DLGAP2: variants seen among roughly 807,000 people sequenced by gnomAD.
DLGAP2 encodes disks large-associated protein 2.
Under a neutral mutation model 100.3 loss-of-function variants are expected in DLGAP2, and 26 were observed. The observed-to-expected ratio is 0.26, with a 90% CI of 0.19 to 0.36. DLGAP2 has a LOEUF of 0.36. Among genes scored for constraint, DLGAP2 ranks in the 10% least tolerant of loss-of-function variants. The probability of loss-of-function intolerance (pLI) is 1.00; values close to 1 mark genes in which losing one functional copy is unlikely to be tolerated. For missense variants in DLGAP2, 1,858 were observed against 1,453.2 expected, an observed-to-expected ratio of 1.28 and a Z score of -4.53; for synonymous variants, 886 against 630.1, an observed-to-expected ratio of 1.41 and a Z score of -6.08.
intron 2 of DLGAP2, among the ~76,000 whole-genome samples, chr8:1,140,976 C>T (rs992320328): frequency 6.6e-6 from 1 of 152,182 alleles, no homozygotes; most frequent in East Asian, 1.9e-4. Flanking sequence ...GGGCAAGACT[C>T]TGTCTCAAAA....
chr8:911,785 A>G (rs1380269107), intron 2 of DLGAP2, among the ~76,000 whole-genome samples: 1 of 151,468 alleles, frequency 6.6e-6, no homozygotes, highest in Non-Finnish European at 1.5e-5. Flanking sequence ...TTGGAAGGAT[A>G]TGTGTATAAT....
At chr8:1,104,816 T>C (rs940444905) in intron 2 of DLGAP2, 6 of 152,196 alleles carry the variant, frequency 3.9e-5, no homozygotes, top group African/African-American at 1.4e-4. Flanking sequence ...GTTGGGTTAA[T>C]TACCCTTAAT....
chr8:1,012,127 G>A, intron 2 of DLGAP2, among the ~76,000 whole-genome samples: 1 of 152,190 alleles, frequency 6.6e-6, no homozygotes, highest in East Asian at 1.9e-4. Context: ...ACTCAGCCAG[G>A]TGCAGCGGTA....
chr8:1,234,713 A>T (rs1176705653), intron 2 of DLGAP2, among the ~76,000 whole-genome samples: 1 of 152,174 alleles, frequency 6.6e-6, no homozygotes, highest in Non-Finnish European at 1.5e-5. Context: ...ACTGACAGTG[A>T]TTCTGTTGCA....
intron 2 of DLGAP2, among the ~76,000 whole-genome samples, chr8:1,110,309 G>C (rs1804911368): frequency 1.4e-5 from 2 of 145,768 alleles, no homozygotes; most frequent in South Asian, 2.3e-4. Context: ...TGTGACATGT[G>C]CTGGGTCTGT....
At chr8:1,626,619 G>T in intron 6 of DLGAP2, 121 bp from the exon 7 acceptor site, 5 of 1,312,598 alleles carry the variant, frequency 3.8e-6, no homozygotes, top group Non-Finnish European at 5.2e-6. Context: ...TTGGACGGTC[G>T]TTCCCACCTC....
rs1023751310 is a variant in DLGAP2 at position 1,411,143 on chromosome 8, C to G, written c.107-90223C>G. Reference sequence around the variant, plus strand: ...CTCTTGTTCTGGAAACCCAACATCTCCTAATTAAAATCGTCGTATGTTAAT... The same window carrying G: ...CTCTTGTTCTGGAAACCCAACATCTGCTAATTAAAATCGTCGTATGTTAAT... On this transcript the variant is annotated intron_variant, in intron 3 of 14. Transcript: ENST00000637795. Among the ~76,000 whole-genome samples the G allele has an allele frequency of 2.0e-5, 3 of 152,100 alleles. No homozygotes were observed. In the South Asian group the frequency reaches 6.2e-4, roughly 32 times the overall value.
intron 13 of DLGAP2, among the ~76,000 whole-genome samples, chr8:1,696,136 G>A (rs567324405): frequency 1.3e-5 from 2 of 152,204 alleles, no homozygotes; most frequent in Non-Finnish European, 2.9e-5. Flanking sequence ...TGACCCACCA[G>A]AACCTCCTCT....
chr8:871,490 G>A (rs1797597538), intron 1 of DLGAP2, among the ~76,000 whole-genome samples: 1 of 152,176 alleles, frequency 6.6e-6, no homozygotes, highest in South Asian at 2.1e-4. Context: ...CAGTTTTCAA[G>A]TTTCTAAAGA....
At chr8:1,180,472 G>A (rs1349178831) in intron 2 of DLGAP2, among the ~76,000 whole-genome samples, 1 of 152,226 alleles carries the variant, frequency 6.6e-6, no homozygotes, top group African/African-American at 2.4e-5. Context: ...GGGATCTCAG[G>A]CAGGAGCCAC....
intron 3 of DLGAP2, among the ~76,000 whole-genome samples, chr8:1,274,067 C>T (rs567148883): frequency 5.9e-5 from 9 of 152,084 alleles, no homozygotes; most frequent in East Asian, 1.9e-4. Context: ...ATTCTAACAG[C>T]GTGACGGCTC....
chr8:1,159,087 G>A (rs1056029368), intron 2 of DLGAP2, among the ~76,000 whole-genome samples: 1 of 152,208 alleles, frequency 6.6e-6, no homozygotes, highest in South Asian at 2.1e-4. Context: ...TTACCCTTGA[G>A]GAGGGAAGAA....
At chr8:1,273,714 G>C (rs78975648) in intron 3 of DLGAP2, among the ~76,000 whole-genome samples, 3,111 of 152,308 alleles carry the variant, frequency 0.02, 38 homozygotes, top group Non-Finnish European at 0.029. Context: ...TGGTACCTCT[G>C]CTCAAAGGTG....
chr8:759,596 C>A (rs568810926), intron 1 of DLGAP2, among the ~76,000 whole-genome samples: 11 of 151,940 alleles, frequency 7.2e-5, no homozygotes, highest in East Asian at 3.9e-4. Flanking sequence ...GGGGCTCCCC[C>A]CTGGGCTGCA....
chr8:1,167,050 C>T (rs115851325), intron 2 of DLGAP2, among the ~76,000 whole-genome samples: 5,968 of 152,040 alleles, frequency 0.039, 174 homozygotes, highest in East Asian at 0.15. Flanking sequence ...GTGGGAGGAT[C>T]GCTTGAGCCC....
Position 1,701,681 on chromosome 8 carries a change from C to G in DLGAP2, c.*275C>G. ...GGACAGGTGTGGCGAGACCTGATTTCTCCTGCGTGTTCTCAGAGGACGGCG... is the reference window on the plus strand; with the variant it reads ...GGACAGGTGTGGCGAGACCTGATTTGTCCTGCGTGTTCTCAGAGGACGGCG... On this transcript the variant is annotated 3_prime_UTR_variant, in exon 15 of 15. Coordinates refer to ENST00000637795, the MANE Select transcript of DLGAP2 (RefSeq NM_001346810.2). 4.3e-6 allele frequency: 2 copies of G among 465,318 alleles called. No homozygotes were observed. The highest frequency in any genetic ancestry group is 3.5e-5 in the East Asian group (1 of 28,964). The allele number at this position is 465,318 out of a possible 1,614,324, so 28.8% of individuals were successfully genotyped here.
intron 2 of DLGAP2, among the ~76,000 whole-genome samples, chr8:1,116,030 C>T (rs772518614): frequency 1.3e-5 from 2 of 152,214 alleles, no homozygotes; most frequent in South Asian, 2.1e-4. Flanking sequence ...CTCCGTCAGA[C>T]GTGGCCAGTG....
intron 3 of DLGAP2, among the ~76,000 whole-genome samples, chr8:1,438,550 C>A (rs1309938899): frequency 1.3e-5 from 2 of 152,000 alleles, no homozygotes; most frequent in Non-Finnish European, 2.9e-5. Context: ...TAATTTTTTT[C>A]TTTTCAAAAG....
rs181938455 is a variant in DLGAP2, at chr8:840,365, C to T, written c.19-67547C>T. ...TCTGCGAGCGCGTCTACACGGTGCA[C>T]GCCTGCACGTTTCCCTACACTCTGG... On this transcript the variant is annotated intron_variant, in intron 1 of 14. Transcript: ENST00000637795. 8.8e-5 allele frequency among the ~76,000 whole-genome samples: 11 copies of T among 125,266 alleles called. 1 individual carries two copies. Among genetic ancestry groups the T allele is most frequent in the African/African-American group, 2.9e-4 (9 of 31,298 alleles). 82.2% of individuals were successfully genotyped at this position (125,266 alleles called of 152,430 possible). A position where few individuals can be genotyped will look rare whatever the true frequency, so the allele number is the denominator to read the frequency against.
Sources: allele counts gnomAD v4.1 joint callset (sites outside exome capture counted in the v4.1 genomes callset), GRCh38; gene constraint gnomAD v4.1.1; transcripts MANE v1.5; gene names NCBI Gene and HGNC (gene_info 2026-07-23, HGNC 2026-07-21).